The following GRIN2B variants were observed in gnomAD, a reference collection of about 807,000 sequenced individuals.
GRIN2B encodes glutamate ionotropic receptor NMDA type subunit 2B.
GRIN2B carries 5 observed loss-of-function variants against 114.5 expected under a neutral mutation model. That is an observed-to-expected ratio of 0.04 (90% CI 0.02 to 0.09). GRIN2B has a LOEUF of 0.09. Among genes scored for constraint, GRIN2B ranks in the 10% least tolerant of loss-of-function variants. The pLI is 1.00. For synonymous variants in GRIN2B, 787 were observed against 745.1 expected (o/e 1.06, Z -0.92); for missense variants, 1,108 against 1,943.5 (o/e 0.57, Z 8.08).
intron 10 of GRIN2B, among the ~76,000 whole-genome samples, chr12:13,577,791 C>A (rs1374078834): frequency 6.6e-6 from 1 of 152,094 alleles, no homozygotes; most frequent in Non-Finnish European, 1.5e-5. Context: ...GTATTAGGAA[C>A]AGAGATACAA....
chr12:13,719,949 A>T (rs1219598676), intron 4 of GRIN2B, among the ~76,000 whole-genome samples: 1 of 152,058 alleles, frequency 6.6e-6, no homozygotes, highest in Non-Finnish European at 1.5e-5. Flanking sequence ...GCTACCTTGT[A>T]AGCCTTTAAA....
chr12:13,588,822 A>G lies in GRIN2B; in HGVS notation c.2011-16858T>C, dbSNP rs557917429. ...TTCTGACCACCGTGTGTTCTCTTCC[A>G]TAACTCACAGCAGAAGGTTCAGAAA... On this transcript the variant is annotated intron_variant, in intron 10 of 13. Transcript: ENST00000609686. 2.0e-5 allele frequency among the ~76,000 whole-genome samples: 3 copies of G among 152,350 alleles called. No homozygotes were observed. The South Asian group carries it at 6.2e-4, about 32-fold the overall frequency.
intron 2 of GRIN2B, among the ~76,000 whole-genome samples, chr12:13,871,007 T>C (rs1258424248): frequency 1.3e-5 from 2 of 152,028 alleles, no homozygotes; most frequent in Non-Finnish European, 2.9e-5. Flanking sequence ...GTATAACATA[T>C]AGGTACCAGG....
At chr12:13,594,166 A>G (rs1949043196) in intron 10 of GRIN2B, among the ~76,000 whole-genome samples, 6 of 152,192 alleles carry the variant, frequency 3.9e-5, no homozygotes, top group Admixed American at 3.9e-4. Context: ...CAGCAATCCC[A>G]TTACTGGGTA....
intron 5 of GRIN2B, among the ~76,000 whole-genome samples, chr12:13,629,652 TCTC>T (rs1226622893): frequency 1.3e-5 from 2 of 151,980 alleles, no homozygotes; most frequent in African/African-American, 4.8e-5. Context: ...TGCTCCTCCT[TCTC>T]CTCTTTCTTT....
intron 3 of GRIN2B, among the ~76,000 whole-genome samples, chr12:13,794,230 GAAAAGAA>G (rs1565539767): frequency 3.5e-5 from 5 of 141,468 alleles, no homozygotes; most frequent in East Asian, 2.1e-4. Flanking sequence ...AAAAGAAAAA[GAAAAGAA>G]AAAAAGAAAA....
intron 2 of GRIN2B, among the ~76,000 whole-genome samples, chr12:13,968,256 G>C (rs750897598): frequency 5.3e-5 from 8 of 152,188 alleles, no homozygotes; most frequent in Middle Eastern, 3.2e-3. Flanking sequence ...ATCATACATT[G>C]AAAACTGGCT....
intron 4 of GRIN2B, among the ~76,000 whole-genome samples, chr12:13,730,579 C>T (rs1253230805): frequency 6.6e-6 from 1 of 152,012 alleles, no homozygotes. Flanking sequence ...GTTGAGAGAC[C>T]CCTGGCATCT....
intron 10 of GRIN2B, among the ~76,000 whole-genome samples, chr12:13,584,469 T>C (rs1258414551): frequency 1.3e-5 from 2 of 152,192 alleles, no homozygotes; most frequent in African/African-American, 4.8e-5. Context: ...TGTGGATATA[T>C]TTATTATATG....
At chr12:13,911,336 T>G (rs1240177696) in intron 2 of GRIN2B, among the ~76,000 whole-genome samples, 2 of 152,114 alleles carry the variant, frequency 1.3e-5, no homozygotes, top group East Asian at 3.9e-4. Flanking sequence ...TCTGTGCACA[T>G]CAAGCCTTGC....
intron 3 of GRIN2B, among the ~76,000 whole-genome samples, chr12:13,790,904 G>A (rs563144422): frequency 6.6e-6 from 1 of 152,314 alleles, no homozygotes; most frequent in East Asian, 1.9e-4. Context: ...AGAGTGAGAA[G>A]CAGAACAAGT....
intron 10 of GRIN2B, among the ~76,000 whole-genome samples, chr12:13,573,762 C>A (rs1400835851): frequency 6.6e-6 from 1 of 152,188 alleles, no homozygotes; most frequent in Non-Finnish European, 1.5e-5. Context: ...AGAAGTAATT[C>A]TTTTCCTTCT....
intron 2 of GRIN2B, among the ~76,000 whole-genome samples, chr12:13,921,027 A>G (rs932687748): frequency 1.3e-5 from 2 of 152,196 alleles, no homozygotes; most frequent in Non-Finnish European, 2.9e-5. Context: ...ATTTTACTCA[A>G]TAGTAGGTAA....
In GRIN2B at chr12:13,554,014, A is replaced by G. The variant is rs1948448606; in HGVS notation, c.*8769T>C. 6.6e-6 allele frequency: 1 copy of G among 152,202 alleles called. No individual in the cohort carries two copies. The highest frequency in any genetic ancestry group is 6.5e-5 in the Admixed American group (1 of 15,282). 9.4% of individuals were successfully genotyped at this position (152,202 alleles called of 1,614,324 possible). ...TATACATGTGATTGTGTGTGCAGATATATATAGAGAAACTGGGGGGATTCA... is the reference window on the plus strand; with the variant it reads ...TATACATGTGATTGTGTGTGCAGATGTATATAGAGAAACTGGGGGGATTCA... On this transcript the variant is annotated 3_prime_UTR_variant, in exon 14 of 14. Coordinates refer to ENST00000609686, the MANE Select transcript of GRIN2B (RefSeq NM_000834.5).
At chr12:13,928,661 A>C (rs1274574105) in intron 2 of GRIN2B, among the ~76,000 whole-genome samples, 2 of 152,244 alleles carry the variant, frequency 1.3e-5, no homozygotes, top group Non-Finnish European at 2.9e-5. Context: ...TGATAGAAAC[A>C]GTTTTGTGTG....
intron 5 of GRIN2B, among the ~76,000 whole-genome samples, chr12:13,655,219 T>C (rs568991139): frequency 6.6e-6 from 1 of 151,956 alleles, no homozygotes; most frequent in Non-Finnish European, 1.5e-5. Flanking sequence ...AGCCGTAAAA[T>C]TCTTATACTT....
At chr12:13,821,929 C>G (rs961445117) in intron 3 of GRIN2B, among the ~76,000 whole-genome samples, 2 of 152,128 alleles carry the variant, frequency 1.3e-5, no homozygotes, top group Admixed American at 6.6e-5. Flanking sequence ...ATACGGGAAG[C>G]AATGAAGCTG....
rs376699262 is a variant in GRIN2B at position 13,730,569 on chromosome 12, G to A, written c.1010+22748C>T. The stretch of plus-strand genomic sequence containing the variant: ...AGCTAACAAGTATACGGGCCAGGAT[G>A]TTGAGAGACCCCTGGCATCTAATCA... On this transcript the variant is annotated intron_variant, in intron 4 of 13. Coordinates refer to ENST00000609686, the MANE Select transcript of GRIN2B (RefSeq NM_000834.5). 5.9e-5 allele frequency among the ~76,000 whole-genome samples: 9 copies of A among 152,268 alleles called. No individual in the cohort carries two copies. In the East Asian group the frequency reaches 9.7e-4, roughly 16 times the overall value.
chr12:13,797,891 C>T (rs953746733), intron 3 of GRIN2B, among the ~76,000 whole-genome samples: 1 of 152,218 alleles, frequency 6.6e-6, no homozygotes, highest in Non-Finnish European at 1.5e-5. Context: ...GCTTTCTGCT[C>T]TTATTACAGT....
Sources: allele counts gnomAD v4.1 joint callset (sites outside exome capture counted in the v4.1 genomes callset), GRCh38; gene constraint gnomAD v4.1.1; transcripts MANE v1.5; gene names NCBI Gene and HGNC (gene_info 2026-07-23, HGNC 2026-07-21).